VWF: variants seen among roughly 807,000 people sequenced by gnomAD.
VWF encodes von Willebrand factor, also known as Factor VIII related antigen.
Under a neutral mutation model 308.6 loss-of-function variants are expected in VWF, and 176 were observed. The ratio of observed to expected loss-of-function variants is 0.57; its 90% CI spans 0.50 to 0.65. The LOEUF (loss-of-function observed/expected upper bound fraction) is 0.65, where lower values mean the gene tolerates loss of function less well. Ranked by LOEUF, VWF falls within the 30% of genes least tolerant of loss-of-function variation. The pLI is 0.00. For missense variants in VWF, 3,146 were observed against 3,648.2 expected, an observed-to-expected ratio of 0.86 and a Z score of 3.55; for synonymous variants, 1,385 against 1,443.4, an observed-to-expected ratio of 0.96 and a Z score of 0.92.
intron 10 of VWF, among the ~76,000 whole-genome samples, chr12:6,067,846 A>G (rs1161348071): frequency 6.6e-6 from 1 of 152,114 alleles, no homozygotes; most frequent in Non-Finnish European, 1.5e-5. Flanking sequence ...AAAAAAGAGC[A>G]TCCAGGCCGG....
chr12:5,987,719 C>T (rs1349853105), intron 38 of VWF, among the ~76,000 whole-genome samples: 3 of 152,202 alleles, frequency 2.0e-5, no homozygotes, highest in African/African-American at 7.2e-5. Flanking sequence ...AAGCGTTATG[C>T]TGGGTGAAGG....
chr12:5,971,796 G>C, intron 43 of VWF, 87 bp from the exon 44 acceptor site: 1 of 1,188,646 alleles, frequency 8.4e-7, no homozygotes, highest in Non-Finnish European at 1.2e-6. Flanking sequence ...ACTGAGCCCT[G>C]GGGTTGTGCC....
chr12:6,088,708 CA>C (rs1443560687), intron 6 of VWF, among the ~76,000 whole-genome samples: 5 of 152,104 alleles, frequency 3.3e-5, no homozygotes, highest in Non-Finnish European at 7.3e-5. Flanking sequence ...CTTTCTTTCT[CA>C]AAGGTACACT....
At chr12:6,053,772 T>C (rs1944545625) in intron 15 of VWF, among the ~76,000 whole-genome samples, 1 of 152,198 alleles carries the variant, frequency 6.6e-6, no homozygotes. Context: ...TAGAAGAATG[T>C]CTGGCATGTG....
In VWF at chr12:6,058,038, G is replaced by C. The variant is rs914503124; in HGVS notation, c.1540C>G (p.Pro514Ala). 13 of 1,613,006 alleles carry C rather than the reference G, an allele frequency of 8.1e-6. No homozygotes were observed. In the Middle Eastern group the frequency reaches 4.9e-4, roughly 61 times the overall value. ...CCGCAGGTCTTCCCGGCATAGACGG[G>C]GGACAGCTGCAGGAGAGACCAGGCC... is the stretch of plus-strand genomic sequence containing the variant. ...GRGRLLVKLS[P>A]VYAGKTCGLC... The change falls in exon 14 of 52, where the codon CCC (proline) becomes GCC (alanine). Residue 514 changes from proline (P) to alanine (A), a missense_variant. Pro to Ala is a conservative substitution (Grantham distance 27). Around this residue, in one of 3 missense-constraint regions of VWF, gnomAD observed 1,304 missense variants for 1,353.0 expected, o/e 0.96. Transcript: ENST00000261405. The surrounding 1 kb of genome is among the most constrained non-coding windows in gnomAD (Gnocchi z 4.9).
chr12:6,068,830 T>TGTG (rs1280885022), intron 10 of VWF, among the ~76,000 whole-genome samples: 16 of 121,994 alleles, frequency 1.3e-4, no homozygotes, highest in African/African-American at 6.8e-4. Flanking sequence ...TTTTTTTTTT[T>TGTG]TTTGCGTGTG....
At position 5,968,809 on chromosome 12, in the gene VWF, C is replaced by T. The variant is rs183459908; in HGVS notation, c.7729+402G>A. The stretch of plus-strand genomic sequence containing the variant: ...CCAGTCACTCCAGAGTGAGAATCTG[C>T]CTCAAACAAACAAACAAACAAATAA... On this transcript the variant is annotated intron_variant, in intron 45 of 51. Coordinates refer to ENST00000261405, the MANE Select transcript of VWF (RefSeq NM_000552.5). Among the ~76,000 whole-genome samples the T allele has an allele frequency of 1.4e-3, 212 of 152,264 alleles. 1 individual carries two copies. The highest frequency in any genetic ancestry group is 4.5e-3 in the African/African-American group (186 of 41,550).
intron 47 of VWF, among the ~76,000 whole-genome samples, chr12:5,965,800 G>C (rs1034740492): frequency 6.6e-6 from 1 of 152,226 alleles, no homozygotes; most frequent in Admixed American, 6.5e-5. Flanking sequence ...CGCTGAGCTA[G>C]AACGGGATCA....
Position 6,027,883 on chromosome 12 carries a change from C to CA in VWF, c.2967+1458_2967+1459insT, listed in dbSNP as rs71064184. On this transcript the variant is annotated intron_variant, in intron 22 of 51. Transcript: ENST00000261405. ...ACACACACACACACACACACACACA[C>CA]CCCTAAACAAAAAAACTTTTTTCCC... 4.9e-4 allele frequency among the ~76,000 whole-genome samples: 73 copies of CA among 148,118 alleles called. No homozygotes were observed. In the East Asian group the frequency reaches 0.013, roughly 27 times the overall value.
Position 6,013,643 on chromosome 12 carries a change from C to A in VWF, c.5458G>T (p.Val1820Leu). 6.2e-7 allele frequency: 1 copy of A among 1,612,920 alleles called. No homozygotes were observed. Among genetic ancestry groups the A allele is most frequent in the Non-Finnish European group, 8.5e-7 (1 of 1,179,860 alleles). Residue 1820 changes from valine (V) to leucine (L), a missense_variant and splice_region_variant, in exon 32 of 52, where the codon GTG becomes TTG. Physicochemically the swap from Val to Leu is conservative, Grantham distance 32 (BLOSUM62 1). Around this residue, in one of 3 missense-constraint regions of VWF, gnomAD observed 853 missense variants for 1,177.8 expected, o/e 0.72. Coordinates refer to ENST00000261405, the MANE Select transcript of VWF (RefSeq NM_000552.5). ...AAADAARSNRVTVFPIGIGDR... is the reference protein window; with the variant it reads ...AAADAARSNRLTVFPIGIGDR... Reference sequence around the variant, plus strand: ...CCAATTCCAATAGGGAACACTGTCACTCCTAGAGTTAGCAAAGAGACAAGA... The same window carrying A: ...CCAATTCCAATAGGGAACACTGTCAATCCTAGAGTTAGCAAAGAGACAAGA...
rs2136371257 is a variant in VWF at position 5,981,896 on chromosome 12, C to T, written c.7177G>A (p.Glu2393Lys). The T allele has an allele frequency of 2.6e-6, 4 of 1,527,300 alleles. No individual in the cohort carries two copies. The highest frequency in any genetic ancestry group is 5.3e-5 in the East Asian group (2 of 37,572). 94.6% of individuals were successfully genotyped at this position (1,527,300 alleles called of 1,614,324 possible). Residue 2393 changes from glutamate (E) to lysine (K), a missense_variant, in exon 42 of 52, where the codon GAG becomes AAG. Physicochemically the swap from Glu to Lys is moderately conservative, Grantham distance 56. Coordinates refer to ENST00000261405, the MANE Select transcript of VWF (RefSeq NM_000552.5). ...LRKTQCCDEY[E>K]CACNCVNSTV... ...GAGTTGACACAGTTGCAGGCACACT[C>T]ATACTCATCACAGCACTGGGTCTTC...
intron 34 of VWF, among the ~76,000 whole-genome samples, chr12:6,011,257 G>A (rs1943989715): frequency 6.6e-6 from 1 of 152,132 alleles, no homozygotes; most frequent in Admixed American, 6.5e-5. Context: ...TTCTGGAAGC[G>A]TCTCTCTCAC....
chr12:6,088,779 A>G (rs1452303925), intron 6 of VWF, among the ~76,000 whole-genome samples: 1 of 152,234 alleles, frequency 6.6e-6, no homozygotes, highest in African/African-American at 2.4e-5. Context: ...TTGGGGCTCC[A>G]AACTCCAACC....
At position 6,057,907 on chromosome 12, in the gene VWF, C is replaced by G. The variant is rs754165419; in HGVS notation, c.1671G>C (p.Gly557=). 7 of 1,613,014 alleles carry G rather than the reference C, an allele frequency of 4.3e-6. No homozygotes were observed. The African/African-American group carries it at 8.0e-5, about 18-fold the overall frequency. The change falls in exon 14 of 52, where the codon GGG becomes GGC. Residue 557 remains glycine (G), a synonymous_variant. Coordinates refer to ENST00000261405, the MANE Select transcript of VWF (RefSeq NM_000552.5). ...EDFGNAWKLH[G]DCQDLQKQHS... Reference sequence around the variant, plus strand: ...GCTGCTTCTGCAGGTCCTGGCAGTCCCCGTGCAGCTTCCAGGCGTTCCCGA... The same window carrying G: ...GCTGCTTCTGCAGGTCCTGGCAGTCGCCGTGCAGCTTCCAGGCGTTCCCGA...
At chr12:6,065,037 A>T (rs1944696246) in intron 11 of VWF, 100 bp downstream of exon 11, 1 of 1,557,626 alleles carries the variant, frequency 6.4e-7, no homozygotes, top group African/African-American at 1.4e-5. Flanking sequence ...CATGCACAGA[A>T]AGCAATGCCC....
intron 18 of VWF, among the ~76,000 whole-genome samples, chr12:6,043,466 C>G (rs972851460): frequency 7.9e-5 from 12 of 152,202 alleles, no homozygotes; most frequent in African/African-American, 2.9e-4. Context: ...TCACCATTCA[C>G]TTTGGGTATA....
chr12:6,068,832 T>TGTGTGTGTGTG (rs1565851315), intron 10 of VWF, among the ~76,000 whole-genome samples: 1 of 101,104 alleles, frequency 9.9e-6, no homozygotes, highest in African/African-American at 5.6e-5. Flanking sequence ...TTTTTTTTTT[T>TGTGTGTGTGTG]TGCGTGTGTG....
intron 37 of VWF, among the ~76,000 whole-genome samples, 182 bp downstream of exon 37, chr12:5,993,680 T>C (rs1028100200): frequency 3.4e-5 from 5 of 146,522 alleles, no homozygotes; most frequent in Admixed American, 1.4e-4. Context: ...CACACACATA[T>C]ACATATATGT....
rs1944651009 is a variant in VWF at position 6,061,207 on chromosome 12, CAAAACAAACAAAA to C, written c.1533+1734_1533+1746del. On this transcript the variant is annotated intron_variant, in intron 13 of 51. Transcript: ENST00000261405. ...CAGAGTGAGACCCTCTCTCAAAAAA[CAAAACAAACAAAA>C]AGAAAGTGAACTGGCTAACGTGAAG... is the stretch of plus-strand genomic sequence containing the variant. 2.0e-5 allele frequency among the ~76,000 whole-genome samples: 3 copies of C among 152,042 alleles called. No homozygotes were observed. In the South Asian group the frequency reaches 6.3e-4, roughly 32 times the overall value.
Sources: gnomAD v4.1 joint callset for allele counts (sites outside exome capture counted in the v4.1 genomes callset) on GRCh38, gnomAD v4.1.1 for gene constraint, gnomAD v4.1.1 regional missense constraint, Gnocchi (gnomAD v3.1) non-coding constraint, MANE v1.5 for transcripts, NCBI Gene and HGNC (gene_info 2026-07-23, HGNC 2026-07-21) for gene names.